UTRN: variants seen among roughly 807,000 people sequenced by gnomAD.
UTRN encodes the protein dystrophin-related protein 1.
Under a neutral mutation model 463.9 loss-of-function variants are expected in UTRN, and 283 were observed. The observed-to-expected ratio is 0.61, with a 90% CI of 0.55 to 0.67. The LOEUF is 0.67. UTRN is among the 30% of genes least tolerant of loss of function. The pLI is 0.00. For synonymous variants in UTRN, 1,442 were observed against 1,431.5 expected (o/e 1.01, Z -0.17); for missense variants, 3,922 against 4,084.3 (o/e 0.96, Z 1.08).
intron 71 of UTRN, among the ~76,000 whole-genome samples, chr6:144,837,474 G>A (rs568623039): frequency 3.3e-5 from 5 of 152,302 alleles, no homozygotes; most frequent in Non-Finnish European, 7.4e-5. Context: ...TGCAGAGAGC[G>A]TAGAGTCCCA....
chr6:144,348,569 A>C (rs532566932), intron 2 of UTRN, among the ~76,000 whole-genome samples: 1 of 152,334 alleles, frequency 6.6e-6, no homozygotes, highest in African/African-American at 2.4e-5. Context: ...AGACCAGGTA[A>C]CTATAACTTA....
intron 73 of UTRN, among the ~76,000 whole-genome samples, chr6:144,846,579 A>C (rs1436109121): frequency 6.6e-6 from 1 of 152,220 alleles, no homozygotes; most frequent in Non-Finnish European, 1.5e-5. Context: ...TAAATCTTAA[A>C]TCACATGGGA....
At chr6:144,596,397 A>G (rs1803648251) in intron 51 of UTRN, among the ~76,000 whole-genome samples, 1 of 152,100 alleles carries the variant, frequency 6.6e-6, no homozygotes, top group Admixed American at 6.5e-5. Context: ...ACCTATGGTG[A>G]CTTTGGATAT....
intron 66 of UTRN, among the ~76,000 whole-genome samples, chr6:144,823,800 T>C (rs1465645371): frequency 1.3e-5 from 2 of 152,170 alleles, no homozygotes; most frequent in Admixed American, 6.5e-5. Context: ...AGAATTATTA[T>C]TGGCTAAAGA....
At position 144,499,394 on chromosome 6, in the gene UTRN, T is replaced by G. The variant is rs754885893; in HGVS notation, c.4731T>G (p.Leu1577=). 19 of 1,610,688 alleles carry G rather than the reference T, an allele frequency of 1.2e-5. No individual in the cohort carries two copies. In the East Asian group the frequency reaches 3.6e-4, roughly 30 times the overall value. ...AGAAGTCCACTTCAGAAGGTCTGCT[T>G]GGTGACTTGGATACAGAAATTTCCT... The part of the protein sequence containing the change: ...LVQKSTSEGL[L]GDLDTEISWA... Residue 1577 remains leucine (L), a synonymous_variant, in exon 34 of 75, where the codon CTT becomes CTG. Transcript: ENST00000367545.
chr6:144,785,603 G>A (rs575671499), intron 61 of UTRN, among the ~76,000 whole-genome samples: 1 of 149,660 alleles, frequency 6.7e-6, no homozygotes, highest in Non-Finnish European at 1.5e-5. Flanking sequence ...TCTGAACTTT[G>A]TAAAAAAAAT....
At chr6:144,495,618 T>G (rs1452163682) in intron 33 of UTRN, among the ~76,000 whole-genome samples, 1 of 152,148 alleles carries the variant, frequency 6.6e-6, no homozygotes, top group Non-Finnish European at 1.5e-5. Context: ...GAAGAGCTCC[T>G]CAAGTGCTGC....
chr6:144,405,735 G>T (rs539768806), intron 3 of UTRN, among the ~76,000 whole-genome samples: 1 of 152,230 alleles, frequency 6.6e-6, no homozygotes, highest in South Asian at 2.1e-4. Context: ...TTCCTTTGTG[G>T]CCTCCTCCCC....
intron 51 of UTRN, among the ~76,000 whole-genome samples, chr6:144,592,653 G>A (rs960637277): frequency 9.9e-5 from 15 of 152,186 alleles, no homozygotes; most frequent in Non-Finnish European, 2.9e-5. Flanking sequence ...ACAGGTGTGA[G>A]CCACCGTGCC....
chr6:144,671,647 A>T (rs1374984262), intron 51 of UTRN, among the ~76,000 whole-genome samples: 1 of 151,866 alleles, frequency 6.6e-6, no homozygotes. Flanking sequence ...GATGTCCTTT[A>T]TTTCTTTCTC....
intron 2 of UTRN, among the ~76,000 whole-genome samples, chr6:144,329,207 C>T (rs111559316): frequency 0.026 from 3,976 of 151,858 alleles, 89 homozygotes; most frequent in Non-Finnish European, 0.04. Context: ...CTCAGACTCC[C>T]GAGTAGCTGG....
At position 144,708,718 on chromosome 6, in the gene UTRN, A is replaced by G. The variant is rs567436904; in HGVS notation, c.7809+8475A>G. 3.3e-5 allele frequency among the ~76,000 whole-genome samples: 5 copies of G among 152,156 alleles called. No homozygotes were observed. The East Asian group carries it at 7.7e-4, about 23-fold the overall frequency. On this transcript the variant is annotated intron_variant, in intron 53 of 74. Coordinates refer to ENST00000367545, the MANE Select transcript of UTRN (RefSeq NM_007124.3). ...CCAGTCATCCACTTCTGTAACCCCA[A>G]CTTTTCTCCCTTGGTGTTTTAGTCT...
intron 51 of UTRN, among the ~76,000 whole-genome samples, chr6:144,608,247 A>G (rs1562642685): frequency 6.6e-6 from 1 of 152,196 alleles, no homozygotes; most frequent in African/African-American, 2.4e-5. Flanking sequence ...GAATCCTACT[A>G]GCAGATGGCC....
chr6:144,373,432 C>T (rs974768782), intron 2 of UTRN, among the ~76,000 whole-genome samples: 3 of 152,250 alleles, frequency 2.0e-5, no homozygotes, highest in South Asian at 4.1e-4. Context: ...GTGACATATC[C>T]TATGATTCCA....
chr6:144,803,059 A>T lies in UTRN; in HGVS notation c.9269A>T (p.Asn3090Ile). 1 of 1,586,196 alleles carries T rather than the reference A, an allele frequency of 6.3e-7. No individual in the cohort carries two copies. Among genetic ancestry groups the T allele is most frequent in the Admixed American group, 1.8e-5 (1 of 54,942 alleles). Residue 3090 changes from asparagine (N) to isoleucine (I), a missense_variant, in exon 65 of 75, where the codon AAC becomes ATC. Physicochemically the swap from Asn to Ile is moderately radical, Grantham distance 149. This residue lies in a region of UTRN where 1,309 missense variants were observed against 1,452.6 expected (regional missense o/e 0.90). Transcript: ENST00000367545. ...AGGTATAGAAGCCTTAAGCATTTTA[A>T]CTATGATGTCTGCCAGAGTTGTTTC... is the stretch of plus-strand genomic sequence containing the variant. ...GFRYRSLKHF[N>I]YDVCQSCFFS...
At position 144,851,178 on chromosome 6, in the gene UTRN, G is replaced by GT; in HGVS notation, c.*186dup. On this transcript the variant is annotated 3_prime_UTR_variant, in exon 75 of 75. Transcript: ENST00000367545. ...CTATCCAAAGAGAAATGGATATTTT[G>GT]TTTTTATAATAACCATATATTATTG... 1.4e-6 allele frequency: 1 copy of GT among 732,968 alleles called. No individual in the cohort carries two copies. Among genetic ancestry groups the GT allele is most frequent in the South Asian group, 1.8e-5 (1 of 56,144 alleles). The allele number at this position is 732,968 out of a possible 1,614,324, so 45.4% of individuals were successfully genotyped here. A position where few individuals can be genotyped will look rare whatever the true frequency, so the allele number is the denominator to read the frequency against.
At chr6:144,824,643 G>T (rs1209804498) in intron 66 of UTRN, among the ~76,000 whole-genome samples, 1 of 73,824 alleles carries the variant, frequency 1.4e-5, no homozygotes, top group Non-Finnish European at 2.3e-5. Flanking sequence ...TTTTTGAGAC[G>T]GGGTCCAGTT....
chr6:144,788,729 A>T (rs572227967), intron 61 of UTRN, among the ~76,000 whole-genome samples: 21 of 151,952 alleles, frequency 1.4e-4, no homozygotes, highest in South Asian at 2.1e-4. Flanking sequence ...CCGCCTGGCT[A>T]ATTTTGTATT....
At chr6:144,580,627 A>G (rs531959983) in intron 51 of UTRN, among the ~76,000 whole-genome samples, 1 of 152,332 alleles carries the variant, frequency 6.6e-6, no homozygotes, top group Non-Finnish European at 1.5e-5. Flanking sequence ...CCTTTTGGCA[A>G]GAGAAAAGCC....
Sources: allele counts gnomAD v4.1 joint callset (sites outside exome capture counted in the v4.1 genomes callset), GRCh38; gene constraint gnomAD v4.1.1; regional missense constraint gnomAD v4.1.1; transcripts MANE v1.5; gene names NCBI Gene and HGNC (gene_info 2026-07-23, HGNC 2026-07-21).